Variants in CELF2 observed in about 807,000 individuals in gnomAD.
CELF2 encodes the protein CUG triplet repeat RNA-binding protein 2.
Under a neutral mutation model 62.6 loss-of-function variants are expected in CELF2, and 8 were observed. The observed-to-expected ratio is 0.13, with a 90% CI of 0.07 to 0.23. The LOEUF is 0.23. Ranked by LOEUF, CELF2 falls within the 10% of genes least tolerant of loss-of-function variation. The pLI is 1.00. For synonymous variants in CELF2, 258 were observed against 250.0 expected (o/e 1.03, Z -0.30); for missense variants, 333 against 671.0 (o/e 0.50, Z 5.56).
chr10:10,903,509 T>C (rs1337769001), intron 1 of CELF2, among the ~76,000 whole-genome samples: 1 of 152,152 alleles, frequency 6.6e-6, no homozygotes, highest in Non-Finnish European at 1.5e-5. Flanking sequence ...ACGTTTCTTA[T>C]AAAAAGAGTC....
At chr10:11,091,502 T>A (rs2141967074) in intron 1 of CELF2, among the ~76,000 whole-genome samples, 1 of 152,340 alleles carries the variant, frequency 6.6e-6, no homozygotes, top group African/African-American at 2.4e-5. Context: ...GCTTTGCCTT[T>A]TCTTTCAATG....
In CELF2 at chr10:11,290,524, TA is replaced by T. The variant is rs56348502; in HGVS notation, c.976+1988del. Among the ~76,000 whole-genome samples the T allele has an allele frequency of 0.38, 54,381 of 141,490 alleles. 10,393 individuals are homozygous for T. Among genetic ancestry groups the T allele is most frequent in the East Asian group, 0.7 (3,438 of 4,940 alleles). 92.8% of individuals were successfully genotyped at this position (141,490 alleles called of 152,430 possible). ...CCTGGGCGACGAGCGAGACTCCGTC[TA>T]AAAAAAAAAAAAAAATGTGGGCCAC... On this transcript the variant is annotated intron_variant, in intron 9 of 12. Transcript: ENST00000633077. The surrounding 1 kb of genome is among the most constrained non-coding windows in gnomAD (Gnocchi z 4.3).
chr10:11,135,882 A>G lies in CELF2; in HGVS notation c.75-29604A>G, dbSNP rs368119468. Reference sequence around the variant, plus strand: ...GGTGGGGAAGGGTACAGATTCTAGCATCTCACTCTAGACCTGCTGAATCAG... The same window carrying G: ...GGTGGGGAAGGGTACAGATTCTAGCGTCTCACTCTAGACCTGCTGAATCAG... On this transcript the variant is annotated intron_variant, in intron 1 of 12. Transcript: ENST00000633077. Among the ~76,000 whole-genome samples the G allele has an allele frequency of 4.2e-4, 64 of 152,292 alleles. 1 individual carries two copies. The East Asian group carries it at 4.6e-3, about 11-fold the overall frequency.
the CELF2 span, among the ~76,000 whole-genome samples, chr10:10,710,014 T>G: frequency 6.6e-6 from 1 of 152,218 alleles, no homozygotes; most frequent in Non-Finnish European, 1.5e-5. Flanking sequence ...CTTCATTCTT[T>G]CTTTCCCTGG....
rs1005035348 is a variant in CELF2 at position 11,267,443 on chromosome 10, T to C, written c.618+766T>C. Among the ~76,000 whole-genome samples, 1 of 152,216 alleles carries C rather than the reference T, an allele frequency of 6.6e-6. No homozygotes were observed. Among genetic ancestry groups the C allele is most frequent in the African/African-American group, 2.4e-5 (1 of 41,464 alleles). On this transcript the variant is annotated intron_variant, in intron 6 of 12. Transcript: ENST00000633077. This position sits in a 1 kb window ranked among gnomAD's most constrained non-coding sequence, Gnocchi z 4.4. ...GCACAAAAGCATTCCAAGAGTGATA[T>C]GCCGTTACTTCTTCTGTATTGTCTG...
chr10:10,834,784 C>T (rs2058141135), intron 1 of CELF2, among the ~76,000 whole-genome samples: 1 of 152,170 alleles, frequency 6.6e-6, no homozygotes, highest in South Asian at 2.1e-4. Flanking sequence ...TTATAAAAGT[C>T]ATTAACAGCA....
chr10:10,847,501 C>T (rs1436216172), intron 1 of CELF2, among the ~76,000 whole-genome samples: 3 of 152,212 alleles, frequency 2.0e-5, no homozygotes, highest in Non-Finnish European at 2.9e-5. Flanking sequence ...CAGACCTCCT[C>T]ACTCTGTAAA....
intron 2 of CELF2, among the ~76,000 whole-genome samples, chr10:11,208,478 T>C (rs2060973893): frequency 1.3e-5 from 2 of 152,130 alleles, no homozygotes; most frequent in Admixed American, 1.3e-4. Flanking sequence ...AAAAAGGACA[T>C]GACGTAACGC....
chr10:10,662,853 A>G, the CELF2 span, among the ~76,000 whole-genome samples: 2 of 152,320 alleles, frequency 1.3e-5, no homozygotes, highest in African/African-American at 4.8e-5. Flanking sequence ...GTGTCACTAC[A>G]ACATCAAATG....
At chr10:10,658,767 C>T in the CELF2 span, among the ~76,000 whole-genome samples, 3 of 151,708 alleles carry the variant, frequency 2.0e-5, no homozygotes, top group East Asian at 1.9e-4. Flanking sequence ...GTCAAGTATT[C>T]AACATTTTAA....
At chr10:10,949,889 A>G in intron 2 of CELF2, among the ~76,000 whole-genome samples, 1 of 151,278 alleles carries the variant, frequency 6.6e-6, no homozygotes, top group Non-Finnish European at 1.5e-5. Context: ...GACTTGGATC[A>G]GTTTTGGCTG....
At chr10:11,222,806 A>C (rs1431944908) in intron 3 of CELF2, among the ~76,000 whole-genome samples, 1 of 152,282 alleles carries the variant, frequency 6.6e-6, no homozygotes, top group Non-Finnish European at 1.5e-5. Context: ...AATTATGCCT[A>C]AAAATATTTC....
chr10:10,869,469 G>A (rs1302225105), intron 1 of CELF2, among the ~76,000 whole-genome samples: 11 of 152,028 alleles, frequency 7.2e-5, no homozygotes, highest in Admixed American at 7.2e-4. Flanking sequence ...GGCTGAGGCA[G>A]GAGAATCCCT....
chr10:10,508,168 C>A, the CELF2 span, among the ~76,000 whole-genome samples: 2 of 149,082 alleles, frequency 1.3e-5, no homozygotes, highest in Non-Finnish European at 1.5e-5. Flanking sequence ...CAGACAAATA[C>A]AAAAAAAAAA....
the CELF2 span, among the ~76,000 whole-genome samples, chr10:10,463,474 G>A: frequency 2.0e-5 from 3 of 152,048 alleles, no homozygotes; most frequent in African/African-American, 7.2e-5. Context: ...TACAATCAAC[G>A]AACTTCTGTT....
intron 2 of CELF2, among the ~76,000 whole-genome samples, chr10:11,184,023 T>C (rs1008985972): frequency 6.6e-6 from 1 of 152,258 alleles, no homozygotes; most frequent in Non-Finnish European, 1.5e-5. Context: ...TATTTTCTTC[T>C]AGAAGTGTTA....
intron 2 of CELF2, among the ~76,000 whole-genome samples, chr10:10,943,786 G>A (rs1446322824): frequency 1.4e-5 from 2 of 145,480 alleles, no homozygotes; most frequent in Non-Finnish European, 3.0e-5. Flanking sequence ...TGTTTTTGGA[G>A]AGATGGCGTT....
chr10:11,006,031 G>T (rs928887422), intron 1 of CELF2, among the ~76,000 whole-genome samples: 2 of 152,152 alleles, frequency 1.3e-5, no homozygotes, highest in Non-Finnish European at 2.9e-5. Context: ...CTGCCTCTGT[G>T]TTGGGGGTTC....
At chr10:10,533,497 G>A in the CELF2 span, among the ~76,000 whole-genome samples, 1 of 152,270 alleles carries the variant, frequency 6.6e-6, no homozygotes, top group South Asian at 2.1e-4. Flanking sequence ...CTTTATTGTA[G>A]GACTTTCAAG....
Sources: allele counts gnomAD v4.1 joint callset (sites outside exome capture counted in the v4.1 genomes callset), GRCh38; gene constraint gnomAD v4.1.1; non-coding constraint Gnocchi (gnomAD v3.1); transcripts MANE v1.5; gene names NCBI Gene and HGNC (gene_info 2026-07-23, HGNC 2026-07-21).